The following TOP1 variants were observed in gnomAD, a reference collection of about 807,000 sequenced individuals.
TOP1 encodes DNA topoisomerase 1.
Under a neutral mutation model 111.1 loss-of-function variants are expected in TOP1, and 10 were observed. That is an observed-to-expected ratio of 0.09 (90% CI 0.06 to 0.15). The LOEUF is 0.15. TOP1 is among the 10% of genes least tolerant of loss of function. The pLI, the probability that TOP1 is intolerant of heterozygous loss-of-function variation, is 1.00. For synonymous variants in TOP1, 271 were observed against 302.9 expected (o/e 0.89, Z 1.10); for missense variants, 474 against 926.7 (o/e 0.51, Z 6.34).
At position 41,069,126 on chromosome 20, in the gene TOP1, T is replaced by A. The variant is rs1292757066; in HGVS notation, c.156-7045T>A. Reference sequence around the variant, plus strand: ...GGATGCTTTTGGCTTCTGCTTTCCTTTTAGTTCCAAATCCTACCTGAATTG... The same window carrying A: ...GGATGCTTTTGGCTTCTGCTTTCCTATTAGTTCCAAATCCTACCTGAATTG... On this transcript the variant is annotated intron_variant, in intron 3 of 20. Coordinates refer to ENST00000361337, the MANE Select transcript of TOP1 (RefSeq NM_003286.4). The surrounding 1 kb of genome is among the most constrained non-coding windows in gnomAD (Gnocchi z 4.1). Among the ~76,000 whole-genome samples, 1 of 152,234 alleles carries A rather than the reference T, an allele frequency of 6.6e-6. No individual in the cohort carries two copies. Among genetic ancestry groups the A allele is most frequent in the Non-Finnish European group, 1.5e-5 (1 of 68,038 alleles).
chr20:41,055,030 T>C (rs543363857), intron 2 of TOP1, among the ~76,000 whole-genome samples: 1 of 152,210 alleles, frequency 6.6e-6, no homozygotes, highest in East Asian at 1.9e-4. Flanking sequence ...GTTTAACTTA[T>C]CTGTCCTTAG....
intron 4 of TOP1, among the ~76,000 whole-genome samples, chr20:41,077,313 GA>G (rs1237767612): frequency 1.3e-5 from 2 of 152,158 alleles, no homozygotes; most frequent in Non-Finnish European, 2.9e-5. Context: ...ATTTATTGGG[GA>G]AAAGAGACCT....
In TOP1 at chr20:41,110,616, T is replaced by C. The variant is rs1025688765; in HGVS notation, c.1309-2166T>C. Among the ~76,000 whole-genome samples the C allele has an allele frequency of 3.3e-5, 5 of 152,208 alleles. No individual in the cohort carries two copies. The South Asian group carries it at 8.3e-4, about 25-fold the overall frequency. The stretch of plus-strand genomic sequence containing the variant: ...CAGCTATATTAGAGAGACAATATAG[T>C]GGGCCTACTAGTTTTAAAAAGTCAT... On this transcript the variant is annotated intron_variant, in intron 13 of 20. Coordinates refer to ENST00000361337, the MANE Select transcript of TOP1 (RefSeq NM_003286.4). This position sits in a 1 kb window ranked among gnomAD's most constrained non-coding sequence, Gnocchi z 4.2.
chr20:41,087,114 T>C (rs940227173), intron 8 of TOP1, among the ~76,000 whole-genome samples: 20 of 152,240 alleles, frequency 1.3e-4, no homozygotes, highest in African/African-American at 4.6e-4. Flanking sequence ...CAGACCTGTT[T>C]GTCTTTACCA....
At chr20:41,065,640 T>A (rs950344802) in intron 3 of TOP1, among the ~76,000 whole-genome samples, 3 of 152,250 alleles carry the variant, frequency 2.0e-5, no homozygotes, top group South Asian at 2.1e-4. Flanking sequence ...AAGTACTTCA[T>A]ATAAGTGGAA....
In TOP1 at chr20:41,069,267, C is replaced by T. The variant is rs1434276468; in HGVS notation, c.156-6904C>T. 2.0e-5 allele frequency among the ~76,000 whole-genome samples: 3 copies of T among 152,114 alleles called. No individual in the cohort carries two copies. The highest frequency in any genetic ancestry group is 4.4e-5 in the Non-Finnish European group (3 of 68,038). ...TTTAAAAGATATGTTTGCTGCTTTCCTTGTGAGTGGTTTGCCAAAGCCCTC... is the reference window on the plus strand; with the variant it reads ...TTTAAAAGATATGTTTGCTGCTTTCTTTGTGAGTGGTTTGCCAAAGCCCTC... On this transcript the variant is annotated intron_variant, in intron 3 of 20. Coordinates refer to ENST00000361337, the MANE Select transcript of TOP1 (RefSeq NM_003286.4). The surrounding 1 kb of genome is among the most constrained non-coding windows in gnomAD (Gnocchi z 4.1).
chr20:41,028,897 C>A lies in TOP1; in HGVS notation c.-171C>A, dbSNP rs947944212. 3.5e-6 allele frequency: 2 copies of A among 573,982 alleles called. No homozygotes were observed. Among genetic ancestry groups the A allele is most frequent in the African/African-American group, 4.0e-5 (2 of 50,354 alleles). 35.6% of individuals were successfully genotyped at this position (573,982 alleles called of 1,614,324 possible). A position where few individuals can be genotyped will look rare whatever the true frequency, so the allele number is the denominator to read the frequency against. On this transcript the variant is annotated 5_prime_UTR_variant, in exon 1 of 21. Transcript: ENST00000361337. ...CCGCCCGGCAGTCAGGCAGCGTCGC[C>A]GCCGTGGTAGCAGCCTCAGCCGTTT...
Position 41,076,239 on chromosome 20 carries a change from A to G in TOP1, c.224A>G (p.Glu75Gly). Reference sequence around the variant, plus strand: ...ACCAAACACAAAGATGGAAGCTCAGAAAAGCATAAAGACAAACATAAAGAC... The same window carrying G: ...ACCAAACACAAAGATGGAAGCTCAGGAAAGCATAAAGACAAACATAAAGAC... ...EKTKHKDGSS[E>G]KHKDKHKDRD... is the part of the protein sequence containing the mutation. Residue 75 changes from glutamate to glycine, a missense_variant, in exon 4 of 21, where the codon GAA becomes GGA. Physicochemically the swap from Glu to Gly is moderately conservative, Grantham distance 98. Around this residue, in one of 14 missense-constraint regions of TOP1, gnomAD observed 185 missense variants for 226.3 expected, o/e 0.82. Coordinates refer to ENST00000361337, the MANE Select transcript of TOP1 (RefSeq NM_003286.4). The G allele has an allele frequency of 6.2e-7, 1 of 1,604,686 alleles. No individual in the cohort carries two copies. Among genetic ancestry groups the G allele is most frequent in the South Asian group, 1.1e-5 (1 of 90,806 alleles).
chr20:41,051,821 C>G (rs1379773580), intron 2 of TOP1, among the ~76,000 whole-genome samples: 1 of 152,050 alleles, frequency 6.6e-6, no homozygotes, highest in South Asian at 2.1e-4. Flanking sequence ...ACATATACAA[C>G]CTGAGCTAAG....
rs924707748 is a variant in TOP1 at position 41,058,208 on chromosome 20, T to C, written c.59-3186T>C. Among the ~76,000 whole-genome samples the C allele has an allele frequency of 1.3e-5, 2 of 152,372 alleles. No homozygotes were observed. The highest frequency in any genetic ancestry group is 1.3e-4 in the Admixed American group (2 of 15,310). ...TCAGCAGATTATGACACATGTGGCT[T>C]CTTTTGCTGTGAGCCAGTCATGGGA... On this transcript the variant is annotated intron_variant, in intron 2 of 20. Coordinates refer to ENST00000361337, the MANE Select transcript of TOP1 (RefSeq NM_003286.4). This position sits in a 1 kb window ranked among gnomAD's most constrained non-coding sequence, Gnocchi z 4.2.
rs2033509003 is a variant in TOP1 at position 41,058,976 on chromosome 20, T to TA, written c.59-2417dup. Among the ~76,000 whole-genome samples, 1 of 152,084 alleles carries TA rather than the reference T, an allele frequency of 6.6e-6. No individual in the cohort carries two copies. Among genetic ancestry groups the TA allele is most frequent in the African/African-American group, 2.4e-5 (1 of 41,412 alleles). ...AATGTGGCGCATGTACACCACGGAA[T>TA]ACTGTGCAGCCATAAGAAGAACGAG... On this transcript the variant is annotated intron_variant, in intron 2 of 20. Transcript: ENST00000361337. The surrounding 1 kb of genome is among the most constrained non-coding windows in gnomAD (Gnocchi z 4.2).
intron 11 of TOP1, among the ~76,000 whole-genome samples, chr20:41,099,689 ATTC>A (rs1218940770): frequency 2.6e-5 from 4 of 152,316 alleles, no homozygotes; most frequent in South Asian, 2.1e-4. Context: ...GGCTTGAGCT[ATTC>A]TTTTATGAGG....
rs1600586319 is a variant in TOP1 at position 41,095,842 on chromosome 20, C to G, written c.731-1378C>G. Among the ~76,000 whole-genome samples, 1 of 152,272 alleles carries G rather than the reference C, an allele frequency of 6.6e-6. No homozygotes were observed. Among genetic ancestry groups the G allele is most frequent in the Middle Eastern group, 3.4e-3 (1 of 294 alleles). On this transcript the variant is annotated intron_variant, in intron 9 of 20. Transcript: ENST00000361337. This position sits in a 1 kb window ranked among gnomAD's most constrained non-coding sequence, Gnocchi z 4.6. Reference sequence around the variant, plus strand: ...GTATAGCCAAATGCTCTTAGTATAGCATGGATTGGTTCGAGGTGATGTTGT... The same window carrying G: ...GTATAGCCAAATGCTCTTAGTATAGGATGGATTGGTTCGAGGTGATGTTGT...
chr20:41,052,683 A>G (rs149800028), intron 2 of TOP1, among the ~76,000 whole-genome samples: 2 of 152,294 alleles, frequency 1.3e-5, no homozygotes, highest in East Asian at 1.9e-4. Flanking sequence ...GAGTATATCT[A>G]TAACTTTTTT....
At chr20:41,072,636 C>T (rs2033681045) in intron 3 of TOP1, 1 of 985,290 alleles carries the variant, frequency 1.0e-6, no homozygotes, top group Non-Finnish European at 1.2e-6. Context: ...TGCTCTTTGC[C>T]AGCACTCCTG....
intron 14 of TOP1, among the ~76,000 whole-genome samples, chr20:41,113,212 G>A (rs1231751171): frequency 1.3e-5 from 2 of 151,998 alleles, no homozygotes; most frequent in African/African-American, 2.4e-5. Flanking sequence ...TAAAGACCAC[G>A]CTCTAGAGGA....
intron 13 of TOP1, among the ~76,000 whole-genome samples, chr20:41,104,488 T>C (rs2034114193): frequency 6.6e-6 from 1 of 152,230 alleles, no homozygotes; most frequent in African/African-American, 2.4e-5. Flanking sequence ...TTGGAGCCTC[T>C]CTGAGGGCTG....
chr20:41,099,696 T>C (rs2034032574), intron 11 of TOP1, among the ~76,000 whole-genome samples: 1 of 152,254 alleles, frequency 6.6e-6, no homozygotes, highest in African/African-American at 2.4e-5. Context: ...GCTATTCTTT[T>C]ATGAGGCTCT....
intron 2 of TOP1, among the ~76,000 whole-genome samples, chr20:41,035,631 C>CT (rs2033176001): frequency 6.6e-6 from 1 of 152,078 alleles, no homozygotes; most frequent in African/African-American, 2.4e-5. Flanking sequence ...TCCCATTATT[C>CT]TTTATATTGT....
Sources: gnomAD v4.1 joint callset for allele counts (sites outside exome capture counted in the v4.1 genomes callset) on GRCh38, gnomAD v4.1.1 for gene constraint, gnomAD v4.1.1 regional missense constraint, Gnocchi (gnomAD v3.1) non-coding constraint, MANE v1.5 for transcripts, NCBI Gene and HGNC (gene_info 2026-07-23, HGNC 2026-07-21) for gene names.